The following MMP16 variants were observed in gnomAD, a reference collection of about 807,000 sequenced individuals.
MMP16 encodes the protein matrix metallopeptidase 16.
Under a neutral mutation model 67.8 loss-of-function variants are expected in MMP16, and 12 were observed. The ratio of observed to expected loss-of-function variants is 0.18; its 90% confidence interval spans 0.11 to 0.29. The LOEUF (loss-of-function observed/expected upper bound fraction) is 0.29. Among genes scored for constraint, MMP16 ranks in the 10% least tolerant of loss-of-function variants. The pLI, the probability that MMP16 is intolerant of heterozygous loss-of-function variation, is 1.00. For synonymous variants in MMP16, 249 were observed against 255.9 expected (o/e 0.97, Z 0.26); for missense variants, 475 against 765.7 (o/e 0.62, Z 4.48).
At chr8:88,148,420 C>G (rs770604209) in intron 4 of MMP16, among the ~76,000 whole-genome samples, 1 of 152,120 alleles carries the variant, frequency 6.6e-6, no homozygotes, top group African/African-American at 2.4e-5. Context: ...TGATAGCCAC[C>G]GGTGAAAATA....
At chr8:88,120,258 T>C (rs1194655275) in intron 4 of MMP16, among the ~76,000 whole-genome samples, 1 of 151,982 alleles carries the variant, frequency 6.6e-6, no homozygotes, top group Non-Finnish European at 1.5e-5. Context: ...TGGAAGTATG[T>C]AATTTAGGGA....
chr8:88,154,217 A>T (rs1350028719), intron 4 of MMP16, among the ~76,000 whole-genome samples: 1 of 123,000 alleles, frequency 8.1e-6, no homozygotes, highest in East Asian at 2.3e-4. Context: ...TCAGGAAACA[A>T]CAGGTGCTGG....
chr8:88,209,185 G>A (rs187975592), intron 1 of MMP16, among the ~76,000 whole-genome samples: 11 of 152,016 alleles, frequency 7.2e-5, no homozygotes, highest in African/African-American at 2.7e-4. Flanking sequence ...GTATGAGTGT[G>A]CCTGCATCTC....
At chr8:88,120,781 A>T (rs990113364) in intron 4 of MMP16, among the ~76,000 whole-genome samples, 2 of 151,958 alleles carry the variant, frequency 1.3e-5, no homozygotes, top group African/African-American at 4.8e-5. Context: ...AGCAAAACTG[A>T]TGCAACTTCT....
intron 2 of MMP16, 94 bp from the exon 3 acceptor site, chr8:88,186,692 G>A (rs1809080624): frequency 4.0e-6 from 6 of 1,482,088 alleles, no homozygotes; most frequent in South Asian, 1.3e-5. Flanking sequence ...CAATTAAGAG[G>A]TTAATCTGAG....
At chr8:88,214,889 C>CCAAAG (rs1199528643) in intron 1 of MMP16, among the ~76,000 whole-genome samples, 2 of 152,116 alleles carry the variant, frequency 1.3e-5, no homozygotes, top group African/African-American at 4.8e-5. Context: ...ATAGAGCCTT[C>CCAAAG]CAAACACTTG....
At chr8:88,158,814 C>T (rs1808561412) in intron 4 of MMP16, among the ~76,000 whole-genome samples, 1 of 152,170 alleles carries the variant, frequency 6.6e-6, no homozygotes, top group Non-Finnish European at 1.5e-5. Flanking sequence ...ACATTTAAGT[C>T]TTTAATCCAT....
chr8:88,073,013 T>C (rs531109889), intron 7 of MMP16, among the ~76,000 whole-genome samples: 1 of 152,294 alleles, frequency 6.6e-6, no homozygotes, highest in Admixed American at 6.5e-5. Flanking sequence ...CACGAATTTA[T>C]GACTGTGGCA....
chr8:88,307,956 A>G (rs1171350025), intron 1 of MMP16, among the ~76,000 whole-genome samples: 2 of 152,138 alleles, frequency 1.3e-5, no homozygotes, highest in African/African-American at 2.4e-5. Context: ...GAAAAATGCA[A>G]TAACTCCATA....
chr8:88,148,175 G>C (rs1260187379), intron 4 of MMP16, among the ~76,000 whole-genome samples: 1 of 151,718 alleles, frequency 6.6e-6, no homozygotes, highest in African/African-American at 2.4e-5. Flanking sequence ...AGCTCTTCTT[G>C]GTTCCTTTTC....
intron 1 of MMP16, among the ~76,000 whole-genome samples, chr8:88,249,859 G>C (rs1810179559): frequency 6.6e-6 from 1 of 152,060 alleles, no homozygotes. Context: ...ATATCCCAAA[G>C]CAAGAGGGCC....
rs191390731 is a variant in MMP16, at chr8:88,072,398, T to C, written c.1222+2207A>G. Among the ~76,000 whole-genome samples the C allele has an allele frequency of 4.7e-4, 71 of 152,194 alleles. No homozygotes were observed. In the Middle Eastern group the frequency reaches 0.014, roughly 29 times the overall value. On this transcript the variant is annotated intron_variant, in intron 7 of 9. Transcript: ENST00000286614. The stretch of plus-strand genomic sequence containing the variant: ...CTCTTTCTCCATAATCAATGCTTTA[T>C]TGAGCGGGAGAGCTACAGGTCATAG...
intron 1 of MMP16, among the ~76,000 whole-genome samples, chr8:88,248,786 A>G (rs1375939401): frequency 9.7e-6 from 1 of 103,560 alleles, no homozygotes; most frequent in Non-Finnish European, 2.3e-5. Context: ...TGTATTGGAC[A>G]TAGTAAAAAA....
intron 7 of MMP16, among the ~76,000 whole-genome samples, chr8:88,067,236 A>C (rs1808474782): frequency 6.6e-6 from 1 of 152,122 alleles, no homozygotes; most frequent in South Asian, 2.1e-4. Flanking sequence ...GGTACATTGC[A>C]CTTGATTATC....
intron 8 of MMP16, among the ~76,000 whole-genome samples, chr8:88,049,263 T>C (rs1158834542): frequency 6.6e-6 from 1 of 152,186 alleles, no homozygotes; most frequent in Non-Finnish European, 1.5e-5. Flanking sequence ...TGCCACCAAT[T>C]CTAAAATAAA....
chr8:88,244,040 T>C (rs549392140), intron 1 of MMP16, among the ~76,000 whole-genome samples: 196 of 35,328 alleles, frequency 5.5e-3, no homozygotes, highest in Non-Finnish European at 0.011. Flanking sequence ...TTTTTTTTTT[T>C]AATTCATCCA....
rs1808077201 is a variant in MMP16, at chr8:88,037,995, C to T, written c.*3466G>A. On this transcript the variant is annotated 3_prime_UTR_variant, in exon 10 of 10. Transcript: ENST00000286614. The stretch of plus-strand genomic sequence containing the variant: ...TTTATGCCTTGCATATCTCTAGTAA[C>T]ACTGAACTGACACCTTATGTTATTG... 1 of 151,962 alleles carries T rather than the reference C, an allele frequency of 6.6e-6. No individual in the cohort carries two copies. Among genetic ancestry groups the T allele is most frequent in the Non-Finnish European group, 1.5e-5 (1 of 67,890 alleles). The allele number at this position is 151,962 out of a possible 1,614,324, so 9.4% of individuals were successfully genotyped here. A position where few individuals can be genotyped will look rare whatever the true frequency, so the allele number is the denominator to read the frequency against.
intron 1 of MMP16, among the ~76,000 whole-genome samples, chr8:88,245,325 A>G (rs956493443): frequency 2.6e-5 from 4 of 152,346 alleles, no homozygotes; most frequent in Non-Finnish European, 4.4e-5. Flanking sequence ...TCTGAAAGGT[A>G]TAAGTATATG....
intron 4 of MMP16, among the ~76,000 whole-genome samples, chr8:88,126,758 C>A (rs1179586341): frequency 6.6e-6 from 1 of 151,768 alleles, no homozygotes; most frequent in Admixed American, 6.6e-5. Flanking sequence ...TGACTGTATA[C>A]AATTTAGTAA....
Sources: allele counts gnomAD v4.1 joint callset (sites outside exome capture counted in the v4.1 genomes callset), GRCh38; gene constraint gnomAD v4.1.1; transcripts MANE v1.5; gene names NCBI Gene and HGNC (gene_info 2026-07-23, HGNC 2026-07-21).